TIA1: variants seen among roughly 807,000 people sequenced by gnomAD.
The protein encoded by TIA1 is TIA1 cytotoxic granule associated RNA binding protein, also known as cytotoxic granule associated RNA binding protein TIA1.
TIA1 carries 23 observed loss-of-function variants against 65.9 expected under a neutral mutation model. That is an observed-to-expected ratio of 0.35 (90% CI 0.25 to 0.49). The LOEUF (loss-of-function observed/expected upper bound fraction) is 0.49. Ranked by LOEUF, TIA1 falls within the 20% of genes least tolerant of loss-of-function variation. TIA1 has a pLI of 0.98. For missense variants in TIA1, 371 were observed against 477.9 expected (o/e 0.78, Z 2.09); for synonymous variants, 147 against 149.4 (o/e 0.98, Z 0.12).
intron 8 of TIA1, 109 bp downstream of exon 8, chr2:70,216,776 TG>T: frequency 6.2e-7 from 1 of 1,604,758 alleles, no homozygotes; most frequent in Non-Finnish European, 8.5e-7. Flanking sequence ...AGTCTTGATT[TG>T]CTTCTCATCT....
rs187021659 is a variant in TIA1 at position 70,214,545 on chromosome 2, C to T, written c.889-51G>A. On this transcript the variant is annotated intron_variant, in intron 11 of 12. Coordinates refer to ENST00000433529, the MANE Select transcript of TIA1 (RefSeq NM_022173.4). ...TGAAGTTAACTATATATATACAATCCTAATATGCTGATACCACAAATTCTT... is the reference window on the plus strand; with the variant it reads ...TGAAGTTAACTATATATATACAATCTTAATATGCTGATACCACAAATTCTT... 2,718 of 1,381,694 alleles carry T rather than the reference C, an allele frequency of 2.0e-3. 10 individuals carry two copies. The highest frequency in any genetic ancestry group is 2.4e-3 in the Non-Finnish European group (2,456 of 1,044,282). 85.6% of individuals were successfully genotyped at this position (1,381,694 alleles called of 1,614,324 possible).
rs569439945 is a variant in TIA1 at position 70,236,872 on chromosome 2, C to T, written c.27-697G>A. Reference sequence around the variant, plus strand: ...CAAACTCCTGGGTTCAAGCGATCTGCCTGCCTTGGCCTCCCAAAGTGTAAT... The same window carrying T: ...CAAACTCCTGGGTTCAAGCGATCTGTCTGCCTTGGCCTCCCAAAGTGTAAT... On this transcript the variant is annotated intron_variant, in intron 1 of 12. Coordinates refer to ENST00000433529, the MANE Select transcript of TIA1 (RefSeq NM_022173.4). 2.4e-4 allele frequency among the ~76,000 whole-genome samples: 37 copies of T among 152,254 alleles called. 1 individual carries two copies. The highest frequency in any genetic ancestry group is 1.3e-3 in the Admixed American group (20 of 15,296).
intron 1 of TIA1, among the ~76,000 whole-genome samples, chr2:70,238,959 C>T (rs1438024861): frequency 6.6e-6 from 1 of 152,162 alleles, no homozygotes; most frequent in Admixed American, 6.5e-5. Context: ...GTCCCAGCTA[C>T]TTCGGACGCT....
chr2:70,246,137 T>C (rs1694204004), intron 1 of TIA1, among the ~76,000 whole-genome samples: 1 of 152,202 alleles, frequency 6.6e-6, no homozygotes, highest in Non-Finnish European at 1.5e-5. Flanking sequence ...TTGGCCAGGC[T>C]GGTCTTGAAC....
At chr2:70,225,304 C>T (rs965542182) in intron 6 of TIA1, 1 of 1,256,922 alleles carries the variant, frequency 8.0e-7, no homozygotes, top group Non-Finnish European at 1.0e-6. Flanking sequence ...TTTAAAAAGT[C>T]AGAAAGTAAA....
chr2:70,234,707 G>A (rs998521728), intron 2 of TIA1, among the ~76,000 whole-genome samples: 1 of 151,946 alleles, frequency 6.6e-6, no homozygotes, highest in Non-Finnish European at 1.5e-5. Flanking sequence ...GATTACAGGC[G>A]CTTGCCACCA....
At chr2:70,237,771 C>G (rs1415498102) in intron 1 of TIA1, among the ~76,000 whole-genome samples, 1 of 151,312 alleles carries the variant, frequency 6.6e-6, no homozygotes, top group African/African-American at 2.4e-5. Context: ...ACGGCTGAGG[C>G]ATGAGAATTG....
At chr2:70,246,295 G>A (rs1042670689) in intron 1 of TIA1, among the ~76,000 whole-genome samples, 1 of 152,096 alleles carries the variant, frequency 6.6e-6, no homozygotes, top group Non-Finnish European at 1.5e-5. Context: ...ATATTGAGAG[G>A]CTGTGTTTTT....
At chr2:70,230,693 C>G in intron 3 of TIA1, 63 bp downstream of exon 3, 2 of 1,158,374 alleles carry the variant, frequency 1.7e-6, no homozygotes, top group Admixed American at 2.7e-5. Context: ...AAAAAGGAAA[C>G]AAAATCATAT....
chr2:70,243,655 T>G (rs1483801703), intron 1 of TIA1, among the ~76,000 whole-genome samples: 1 of 152,198 alleles, frequency 6.6e-6, no homozygotes, highest in Non-Finnish European at 1.5e-5. Flanking sequence ...TTAAGGGATA[T>G]CGATCCTCAA....
At chr2:70,220,175 C>T (rs747703850) in intron 7 of TIA1, among the ~76,000 whole-genome samples, 1 of 151,894 alleles carries the variant, frequency 6.6e-6, no homozygotes, top group Non-Finnish European at 1.5e-5. Flanking sequence ...CTTGGGAGGC[C>T]GAGGCAGGTG....
intron 1 of TIA1, among the ~76,000 whole-genome samples, chr2:70,242,055 T>C (rs1692030644): frequency 6.6e-6 from 1 of 152,158 alleles, no homozygotes; most frequent in Non-Finnish European, 1.5e-5. Context: ...ATAAAGCCTA[T>C]AGTGTTAATT....
At chr2:70,238,919 G>A (rs1373830675) in intron 1 of TIA1, among the ~76,000 whole-genome samples, 2 of 151,894 alleles carry the variant, frequency 1.3e-5, no homozygotes, top group African/African-American at 2.4e-5. Context: ...AAAAATTAGC[G>A]GACATGGTGG....
At chr2:70,219,082 T>C (rs1009565804) in intron 7 of TIA1, among the ~76,000 whole-genome samples, 2 of 152,168 alleles carry the variant, frequency 1.3e-5, no homozygotes, top group African/African-American at 2.4e-5. Context: ...CTGTGAGACA[T>C]ATAAATGAAG....
chr2:70,228,008 G>A (rs1298496263), intron 5 of TIA1, among the ~76,000 whole-genome samples, 186 bp from the exon 6 acceptor site: 2 of 150,720 alleles, frequency 1.3e-5, no homozygotes, highest in East Asian at 4.0e-4. Context: ...AACAATATAG[G>A]AAAAATTCTC....
chr2:70,228,836 A>G, intron 5 of TIA1: 2 of 1,419,372 alleles, frequency 1.4e-6, no homozygotes, highest in Non-Finnish European at 1.8e-6. Flanking sequence ...GTTCTAAGGC[A>G]TCAGCTGCTA....
In TIA1 at chr2:70,210,367, T is replaced by TAGGAAA. The variant is rs1676178568; in HGVS notation, c.*2351_*2352insTTTCCT. 1 of 152,190 alleles carries TAGGAAA rather than the reference T, an allele frequency of 6.6e-6. No homozygotes were observed. The highest frequency in any genetic ancestry group is 2.4e-5 in the African/African-American group (1 of 41,462). The allele number at this position is 152,190 out of a possible 1,614,324, so 9.4% of individuals were successfully genotyped here. ...ATGAAACCATTTTAAAAACTTTAAT[T>TAGGAAA]TCCTTACCTGATACTAATACCAGTA... On this transcript the variant is annotated 3_prime_UTR_variant, in exon 13 of 13. Coordinates refer to ENST00000433529, the MANE Select transcript of TIA1 (RefSeq NM_022173.4).
At chr2:70,241,315 G>A (rs544228129) in intron 1 of TIA1, among the ~76,000 whole-genome samples, 1 of 152,188 alleles carries the variant, frequency 6.6e-6, no homozygotes, top group South Asian at 2.1e-4. Flanking sequence ...GGTGGCGTGT[G>A]CCTGTAGTTT....
At chr2:70,231,386 C>T (rs892356807) in intron 2 of TIA1, among the ~76,000 whole-genome samples, 1 of 151,856 alleles carries the variant, frequency 6.6e-6, no homozygotes, top group African/African-American at 2.4e-5. Context: ...ATGCTTGAGC[C>T]CAGGAGTTTG....
Sources: allele counts gnomAD v4.1 joint callset (sites outside exome capture counted in the v4.1 genomes callset), GRCh38; gene constraint gnomAD v4.1.1; transcripts MANE v1.5; gene names NCBI Gene and HGNC (gene_info 2026-07-23, HGNC 2026-07-21).